Variants in PPP1R7 observed in about 807,000 individuals in gnomAD.
The protein encoded by PPP1R7 is protein phosphatase 1 regulatory subunit 22.
In PPP1R7, 18 loss-of-function variants were observed where a neutral mutation model predicts 45.2. The ratio of observed to expected loss-of-function variants is 0.40; its 90% confidence interval spans 0.28 to 0.59. The LOEUF (loss-of-function observed/expected upper bound fraction) is 0.59. Among genes scored for constraint, PPP1R7 ranks in the 20% least tolerant of loss-of-function variants. PPP1R7 has a pLI of 0.46. For missense variants in PPP1R7, 314 were observed against 455.8 expected (o/e 0.69, Z 2.83); for synonymous variants, 181 against 183.4 (o/e 0.99, Z 0.11).
At position 241,183,397 on chromosome 2, in the gene PPP1R7, G is replaced by A. The variant is rs1032566216; in HGVS notation, c.*574G>A. Reference sequence around the variant, plus strand: ...TCCTTAGAGCTCTCCTTCAAAGAGCGCCGGGCAGGGCTGACTGTTTTCACG... The same window carrying A: ...TCCTTAGAGCTCTCCTTCAAAGAGCACCGGGCAGGGCTGACTGTTTTCACG... On this transcript the variant is annotated 3_prime_UTR_variant, in exon 10 of 10. Transcript: ENST00000234038. 14 of 471,068 alleles carry A rather than the reference G, an allele frequency of 3.0e-5. No individual in the cohort carries two copies. The highest frequency in any genetic ancestry group is 1.0e-4 in the African/African-American group (5 of 50,092). The allele number at this position is 471,068 out of a possible 1,614,324, so 29.2% of individuals were successfully genotyped here. A position where few individuals can be genotyped will look rare whatever the true frequency, so the allele number is the denominator to read the frequency against.
chr2:241,182,085 T>G (rs969652522), intron 9 of PPP1R7, among the ~76,000 whole-genome samples: 1 of 151,896 alleles, frequency 6.6e-6, no homozygotes, highest in African/African-American at 2.4e-5. Flanking sequence ...GATGGTAAAA[T>G]GTAGCCTGCA....
chr2:241,166,227 TTC>T, intron 7 of PPP1R7, 108 bp from the exon 8 acceptor site: 1 of 923,492 alleles, frequency 1.1e-6, no homozygotes, highest in Non-Finnish European at 1.6e-6. Flanking sequence ...TTAAGTGAAA[TTC>T]TCTGTTCTTA....
chr2:241,163,094 A>G (rs1376063718), intron 6 of PPP1R7, among the ~76,000 whole-genome samples, 191 bp from the exon 7 acceptor site: 1 of 152,152 alleles, frequency 6.6e-6, no homozygotes, highest in East Asian at 1.9e-4. Flanking sequence ...TGAGCTCAAG[A>G]CAGTCTTGGA....
Position 241,182,954 on chromosome 2 carries a change from A to G in PPP1R7, c.*131A>G. On this transcript the variant is annotated 3_prime_UTR_variant, in exon 10 of 10. Coordinates refer to ENST00000234038, the MANE Select transcript of PPP1R7 (RefSeq NM_002712.3). Reference sequence around the variant, plus strand: ...AAACCCAATGGCAATAAAGGCACTGACGATAGCTGGCGCGCGCGACGTCAC... The same window carrying G: ...AAACCCAATGGCAATAAAGGCACTGGCGATAGCTGGCGCGCGCGACGTCAC... The G allele has an allele frequency of 9.2e-7, 1 of 1,092,426 alleles. No individual in the cohort carries two copies. Among genetic ancestry groups the G allele is most frequent in the Admixed American group, 2.8e-5 (1 of 35,950 alleles). 67.7% of individuals were successfully genotyped at this position (1,092,426 alleles called of 1,614,324 possible).
Position 241,169,835 on chromosome 2 carries a change from A to G in PPP1R7, c.874A>G (p.Ile292Val). 2 of 1,613,234 alleles carry G rather than the reference A, an allele frequency of 1.2e-6. No homozygotes were observed. Among genetic ancestry groups the G allele is most frequent in the Non-Finnish European group, 1.7e-6 (2 of 1,179,108 alleles). ...ASNRIKKIEN[I>V]SHLTELQEFW... is the part of the protein sequence containing the mutation. ...AAATAGAATCAAAAAGATTGAAAATATCAGCCATCTAACAGAGCTGCAAGA... is the reference window on the plus strand; with the variant it reads ...AAATAGAATCAAAAAGATTGAAAATGTCAGCCATCTAACAGAGCTGCAAGA... Residue 292 changes from isoleucine to valine, a missense_variant, in exon 9 of 10, where the codon ATC becomes GTC. Around this residue, in one of 3 missense-constraint regions of PPP1R7, gnomAD observed 168 missense variants for 285.3 expected, o/e 0.59. Coordinates refer to ENST00000234038, the MANE Select transcript of PPP1R7 (RefSeq NM_002712.3).
intron 7 of PPP1R7, 70 bp from the exon 8 acceptor site, chr2:241,166,267 G>A (rs567318742): frequency 2.5e-5 from 32 of 1,293,342 alleles, no homozygotes; most frequent in African/African-American, 4.4e-5. Context: ...ACAAAACCTC[G>A]TTTCCTAAAA....
intron 6 of PPP1R7, among the ~76,000 whole-genome samples, chr2:241,162,751 C>T (rs943944527): frequency 1.3e-5 from 2 of 150,152 alleles, no homozygotes; most frequent in East Asian, 4.0e-4. Context: ...GGCACAATCT[C>T]GGCTCACTGC....
chr2:241,149,985 G>C (rs1383245357), upstream of PPP1R7: 5 of 1,418,272 alleles, frequency 3.5e-6, no homozygotes, highest in Non-Finnish European at 4.6e-6. Flanking sequence ...GGGACGCCGG[G>C]AGAATGTTGT....
intron 7 of PPP1R7, among the ~76,000 whole-genome samples, chr2:241,163,730 A>G (rs1332803552): frequency 6.6e-6 from 1 of 152,036 alleles, no homozygotes; most frequent in African/African-American, 2.4e-5. Flanking sequence ...CAGCCTACCA[A>G]GTCGGTAGGA....
At chr2:241,150,182 GC>G, upstream of PPP1R7, 2 of 1,279,222 alleles carry the variant, frequency 1.6e-6, no homozygotes, top group Non-Finnish European at 2.0e-6. Context: ...TCTCCACTCT[GC>G]CTAGACGTCC....
chr2:241,157,747 C>T lies in PPP1R7; in HGVS notation c.182-60C>T. 3 of 1,530,130 alleles carry T rather than the reference C, an allele frequency of 2.0e-6. No individual in the cohort carries two copies. The South Asian group carries it at 3.5e-5, about 18-fold the overall frequency. The allele number at this position is 1,530,130 out of a possible 1,614,324, so 94.8% of individuals were successfully genotyped here. A position where few individuals can be genotyped will look rare whatever the true frequency, so the allele number is the denominator to read the frequency against. ...CCCCAGACCTCAGCCAGAAGCAGCTCTTCACCAGTGCCTCCTGTTAATGGG... is the reference window on the plus strand; with the variant it reads ...CCCCAGACCTCAGCCAGAAGCAGCTTTTCACCAGTGCCTCCTGTTAATGGG... On this transcript the variant is annotated intron_variant, in intron 2 of 9. Transcript: ENST00000234038.
upstream of PPP1R7, chr2:241,149,774 T>C (rs946575947): frequency 2.6e-6 from 4 of 1,536,748 alleles, no homozygotes; most frequent in African/African-American, 4.1e-5. Context: ...GGGCGGCTCG[T>C]TCATGGGCCG....
chr2:241,174,533 C>T (rs1032698808), intron 9 of PPP1R7, among the ~76,000 whole-genome samples: 5 of 152,100 alleles, frequency 3.3e-5, no homozygotes, highest in African/African-American at 1.2e-4. Context: ...TGGGTTCCGC[C>T]TCCTTGTGGT....
intron 9 of PPP1R7, 128 bp from the exon 10 acceptor site, chr2:241,182,519 T>G: frequency 8.8e-7 from 1 of 1,141,222 alleles, no homozygotes; most frequent in Non-Finnish European, 1.3e-6. Flanking sequence ...TCCCATGAGG[T>G]GCCAGGGAAG....
intron 2 of PPP1R7, among the ~76,000 whole-genome samples, chr2:241,156,315 A>G (rs2067456422): frequency 6.6e-6 from 1 of 152,260 alleles, no homozygotes; most frequent in African/African-American, 2.4e-5. Context: ...TGGGAGAAGC[A>G]CTACAAGACA....
At chr2:241,158,570 G>A (rs762749388) in intron 4 of PPP1R7, 21 bp downstream of exon 4, 8 of 1,601,474 alleles carry the variant, frequency 5.0e-6, no homozygotes, top group South Asian at 1.1e-5. Context: ...CTCTTATGAG[G>A]GGACTATGAC....
intron 9 of PPP1R7, among the ~76,000 whole-genome samples, chr2:241,180,472 A>G (rs1486270953): frequency 6.6e-6 from 1 of 151,532 alleles, no homozygotes; most frequent in African/African-American, 2.4e-5. Context: ...GTTGGGCCTC[A>G]TTCAAAGCCA....
intron 1 of PPP1R7, 142 bp downstream of exon 1, chr2:241,150,689 C>A: frequency 7.9e-7 from 1 of 1,271,208 alleles, no homozygotes; most frequent in Non-Finnish European, 1.0e-6. Flanking sequence ...ACAGCCGGAC[C>A]CGGGGGAGCG....
chr2:241,176,364 G>A (rs919130585), intron 9 of PPP1R7, among the ~76,000 whole-genome samples: 1 of 152,152 alleles, frequency 6.6e-6, no homozygotes, highest in Non-Finnish European at 1.5e-5. Flanking sequence ...CTCACACCCA[G>A]GTACCACTTG....
Sources: gnomAD v4.1 joint callset for allele counts (sites outside exome capture counted in the v4.1 genomes callset) on GRCh38, gnomAD v4.1.1 for gene constraint, gnomAD v4.1.1 regional missense constraint, MANE v1.5 for transcripts, NCBI Gene and HGNC (gene_info 2026-07-23, HGNC 2026-07-21) for gene names.